MAPK4: variants seen among roughly 807,000 people sequenced by gnomAD.
MAPK4 encodes the protein mitogen-activated protein kinase 4, also known as Erk3-related.
Under a neutral mutation model 47.7 loss-of-function variants are expected in MAPK4, and 22 were observed. The observed-to-expected ratio is 0.46, with a 90% confidence interval of 0.33 to 0.66. The LOEUF (loss-of-function observed/expected upper bound fraction) is 0.66. Among genes scored for constraint, MAPK4 ranks in the 30% least tolerant of loss-of-function variants. MAPK4 has a pLI of 0.02. For synonymous variants in MAPK4, 390 were observed against 365.7 expected (o/e 1.07, Z -0.76); for missense variants, 736 against 831.7 (o/e 0.88, Z 1.42).
At chr18:50,604,684 T>C (rs1264561855) in intron 1 of MAPK4, among the ~76,000 whole-genome samples, 2 of 152,236 alleles carry the variant, frequency 1.3e-5, no homozygotes, top group Admixed American at 1.3e-4. Context: ...TTATCCACTG[T>C]TAGGTTTTGC....
intron 1 of MAPK4, among the ~76,000 whole-genome samples, chr18:50,589,090 A>G (rs974048557): frequency 1.1e-4 from 16 of 152,198 alleles, no homozygotes; most frequent in African/African-American, 3.9e-4. Context: ...GTTCAATCCA[A>G]GGTGAAAATA....
At chr18:50,676,821 T>G (rs566119206) in intron 2 of MAPK4, among the ~76,000 whole-genome samples, 2 of 152,342 alleles carry the variant, frequency 1.3e-5, no homozygotes, top group South Asian at 4.1e-4. Flanking sequence ...AATAGTAAGT[T>G]TGAAAAGCAA....
At chr18:50,584,976 G>A (rs1253029326) in intron 1 of MAPK4, among the ~76,000 whole-genome samples, 2 of 152,196 alleles carry the variant, frequency 1.3e-5, no homozygotes, top group Non-Finnish European at 2.9e-5. Context: ...GCTTTGTTTG[G>A]TTCCTGTATA....
chr18:50,603,755 A>G (rs2042560619), intron 1 of MAPK4, among the ~76,000 whole-genome samples: 1 of 152,226 alleles, frequency 6.6e-6, no homozygotes, highest in African/African-American at 2.4e-5. Flanking sequence ...TTAAAAAATT[A>G]TTATCAAAGC....
intron 1 of MAPK4, among the ~76,000 whole-genome samples, chr18:50,594,375 C>T (rs997481066): frequency 6.6e-6 from 1 of 152,072 alleles, no homozygotes; most frequent in African/African-American, 2.4e-5. Context: ...TTAACCATCA[C>T]AGCTGCAGTA....
At position 50,663,936 on chromosome 18, in the gene MAPK4, A is replaced by G. The variant is rs370578537; in HGVS notation, c.-23A>G. On this transcript the variant is annotated 5_prime_UTR_variant, in exon 2 of 6. Transcript: ENST00000400384. Reference sequence around the variant, plus strand: ...CTGACTGCCCCTGTGTTACCTGGGCAGCTCCAGATCACTGAGCCCACAATG... The same window carrying G: ...CTGACTGCCCCTGTGTTACCTGGGCGGCTCCAGATCACTGAGCCCACAATG... The G allele has an allele frequency of 1.3e-6, 2 of 1,590,374 alleles. No homozygotes were observed. The highest frequency in any genetic ancestry group is 2.7e-5 in the African/African-American group (2 of 74,352).
At chr18:50,599,558 A>G (rs927469297) in intron 1 of MAPK4, among the ~76,000 whole-genome samples, 6 of 151,984 alleles carry the variant, frequency 3.9e-5, no homozygotes, top group Admixed American at 3.9e-4. Context: ...GCTGGGAGTA[A>G]AGGCATGTGC....
chr18:50,637,137 C>T (rs906604635), intron 1 of MAPK4, among the ~76,000 whole-genome samples: 1 of 152,140 alleles, frequency 6.6e-6, no homozygotes, highest in Non-Finnish European at 1.5e-5. Context: ...ACTTCACTGA[C>T]TTTGCAAAAT....
chr18:50,583,282 G>A (rs1482274464), intron 1 of MAPK4, among the ~76,000 whole-genome samples: 1 of 152,154 alleles, frequency 6.6e-6, no homozygotes, highest in Admixed American at 6.5e-5. Flanking sequence ...TTGGTTAAAA[G>A]GCATCATTCA....
At position 50,729,691 on chromosome 18, in the gene MAPK4, G is replaced by A. The variant is rs746414624; in HGVS notation, c.1601G>A (p.Ser534Asn). Residue 534 changes from serine to asparagine, a missense_variant, in exon 6 of 6, where the codon AGC (serine) becomes AAC (asparagine). Around this residue, in one of 3 missense-constraint regions of MAPK4, gnomAD observed 377 missense variants for 378.6 expected, o/e 1.00. Transcript: ENST00000400384. ...GRPAPVDGGA[S>N]PQFDLDVFIS... ...CCGGCCCCGGTGGACGGCGGCGCCA[G>A]CCCCCAGTTCGACCTGGACGTGTTC... The A allele has an allele frequency of 1.9e-6, 3 of 1,552,030 alleles. No individual in the cohort carries two copies.
At chr18:50,607,092 T>C (rs1417868502) in intron 1 of MAPK4, among the ~76,000 whole-genome samples, 1 of 152,262 alleles carries the variant, frequency 6.6e-6, no homozygotes, top group Non-Finnish European at 1.5e-5. Flanking sequence ...AGTATCATCT[T>C]TGTATGCAAA....
At chr18:50,688,933 T>C (rs544257322) in intron 2 of MAPK4, among the ~76,000 whole-genome samples, 3 of 148,272 alleles carry the variant, frequency 2.0e-5, no homozygotes, top group Non-Finnish European at 4.5e-5. Context: ...ATATCCCTTC[T>C]AGGACTCATA....
intron 1 of MAPK4, among the ~76,000 whole-genome samples, chr18:50,646,090 A>G (rs916221790): frequency 6.6e-6 from 1 of 152,254 alleles, no homozygotes; most frequent in Non-Finnish European, 1.5e-5. Context: ...AATTCCAGCT[A>G]ACAGGCGAGG....
chr18:50,709,189 G>A (rs1031082890), intron 2 of MAPK4, among the ~76,000 whole-genome samples: 33 of 152,206 alleles, frequency 2.2e-4, no homozygotes, highest in African/African-American at 7.0e-4. Flanking sequence ...CTCCTCCACC[G>A]GGAGGGCTCC....
chr18:50,725,909 T>A (rs1354560842), intron 4 of MAPK4, 53 bp from the exon 5 acceptor site: 37 of 1,429,370 alleles, frequency 2.6e-5, no homozygotes, highest in Non-Finnish European at 3.6e-5. Flanking sequence ...AATCTCCTTC[T>A]GAGCTCAACA....
chr18:50,600,898 T>C (rs1431201326), intron 1 of MAPK4, among the ~76,000 whole-genome samples: 1 of 152,070 alleles, frequency 6.6e-6, no homozygotes, highest in African/African-American at 2.4e-5. Flanking sequence ...TTTATTCCTG[T>C]TCATTCCTTG....
At chr18:50,619,447 A>G (rs750457687) in intron 1 of MAPK4, among the ~76,000 whole-genome samples, 3 of 151,858 alleles carry the variant, frequency 2.0e-5, no homozygotes, top group Non-Finnish European at 2.9e-5. Flanking sequence ...CCAAGTAACT[A>G]GGACTACAGG....
At chr18:50,645,700 G>A (rs1054796794) in intron 1 of MAPK4, among the ~76,000 whole-genome samples, 2 of 152,296 alleles carry the variant, frequency 1.3e-5, no homozygotes, top group Admixed American at 6.5e-5. Flanking sequence ...CTTATGGTCA[G>A]GACAGCTCTT....
At chr18:50,717,639 T>G (rs1910712306) in intron 3 of MAPK4, among the ~76,000 whole-genome samples, 1 of 152,260 alleles carries the variant, frequency 6.6e-6, no homozygotes, top group South Asian at 2.1e-4. Flanking sequence ...AGGTGTGTCC[T>G]TAGCATCCAT....
Sources: gnomAD v4.1 joint callset for allele counts (sites outside exome capture counted in the v4.1 genomes callset) on GRCh38, gnomAD v4.1.1 for gene constraint, gnomAD v4.1.1 regional missense constraint, MANE v1.5 for transcripts, NCBI Gene and HGNC (gene_info 2026-07-23, HGNC 2026-07-21) for gene names.